The following SERPINB13 variants were observed in gnomAD, a reference collection of about 807,000 sequenced individuals.
SERPINB13 encodes serpin family B member 13, also known as serpin B13.
A neutral mutation model predicts 31.2 loss-of-function variants in SERPINB13; 26 were observed. That is an observed-to-expected ratio of 0.83 (90% confidence interval 0.61 to 1.15). The LOEUF (loss-of-function observed/expected upper bound fraction) is 1.15, where lower values mean the gene tolerates loss of function less well. Among genes scored for constraint, SERPINB13 ranks in the 50% most tolerant of loss-of-function variants. The pLI is 0.00. For synonymous variants in SERPINB13, 191 were observed against 172.4 expected, an observed-to-expected ratio of 1.11 and a Z score of -0.85; for missense variants, 510 against 469.4, an observed-to-expected ratio of 1.09 and a Z score of -0.80.
Position 63,597,220 on chromosome 18 carries a change from G to T in SERPINB13, c.1033G>T (p.Ala345Ser). 1 of 1,614,184 alleles carries T rather than the reference G, an allele frequency of 6.2e-7. No homozygotes were observed. The highest frequency in any genetic ancestry group is 8.5e-7 in the Non-Finnish European group (1 of 1,180,032). Residue 345 changes from alanine to serine, a missense_variant, in exon 8 of 8, where the codon GCT (alanine) becomes TCT (serine). Coordinates refer to ENST00000344731, the MANE Select transcript of SERPINB13 (RefSeq NM_012397.4). ...FVAVTEEGTEAAAATGIGFTV... is the reference protein window; with the variant it reads ...FVAVTEEGTESAAATGIGFTV... ...GGCAGTAACTGAGGAAGGCACCGAG[G>T]CTGCAGCTGCCACCGGCATAGGCTT...
intron 1 of SERPINB13, among the ~76,000 whole-genome samples, chr18:63,587,721 C>G (rs972356077): frequency 6.6e-6 from 1 of 152,190 alleles, no homozygotes; most frequent in Non-Finnish European, 1.5e-5. Flanking sequence ...GGGGATGAGC[C>G]CTTGAGGGCA....
At chr18:63,588,468 A>T (rs1303919905) in intron 1 of SERPINB13, among the ~76,000 whole-genome samples, 183 bp from the exon 2 acceptor site, 1 of 152,234 alleles carries the variant, frequency 6.6e-6, no homozygotes, top group Non-Finnish European at 1.5e-5. Flanking sequence ...AGATTGATGG[A>T]TGTCTCCCAG....
At position 63,597,139 on chromosome 18, in the gene SERPINB13, G is replaced by A. The variant is rs770041362; in HGVS notation, c.952G>A (p.Gly318Arg). ...CAGTGAGCACAAAGCCGACTACTCG[G>A]GAATGTCGTCAGGCTCCGGGTTGTA... is the stretch of plus-strand genomic sequence containing the variant. Reference protein sequence around the residue: ...AFSEHKADYSGMSSGSGLYAQ... With the variant: ...AFSEHKADYSRMSSGSGLYAQ... Residue 318 changes from glycine (G) to arginine (R), a missense_variant, in exon 8 of 8, where the codon GGA (glycine) becomes AGA (arginine). By Grantham distance (125) the Gly-to-Arg change is moderately radical (BLOSUM62 -2). Transcript: ENST00000344731. 17 of 1,614,236 alleles carry A rather than the reference G, an allele frequency of 1.1e-5. No individual in the cohort carries two copies. In the South Asian group the frequency reaches 1.9e-4, roughly 18 times the overall value.
intron 6 of SERPINB13, among the ~76,000 whole-genome samples, chr18:63,594,827 G>A (rs1339477179): frequency 6.6e-6 from 1 of 152,024 alleles, no homozygotes; most frequent in Non-Finnish European, 1.5e-5. Context: ...GACAGAGTGA[G>A]ACTCCATCCC....
chr18:63,594,448 G>T lies in SERPINB13; in HGVS notation c.566G>T (p.Arg189Met), dbSNP rs1419455301. Residue 189 changes from arginine (R) to methionine (M), a missense_variant, in exon 6 of 8, where the codon AGG becomes ATG. Physicochemically the swap from Arg to Met is moderately conservative, Grantham distance 91. Coordinates refer to ENST00000344731, the MANE Select transcript of SERPINB13 (RefSeq NM_012397.4). ...GTTTATTTTAAAGGGCAATGGGACA[G>T]GGAGTTTAAGAAAGAAAATACTAAG... The part of the protein sequence containing the change: ...NMVYFKGQWD[R>M]EFKKENTKEE... 1 of 1,614,160 alleles carries T rather than the reference G, an allele frequency of 6.2e-7. No homozygotes were observed.
intron 5 of SERPINB13, 127 bp downstream of exon 5, chr18:63,593,098 T>C: frequency 1.6e-6 from 1 of 642,758 alleles, no homozygotes; most frequent in Admixed American, 2.7e-5. Context: ...TGCCATGCAG[T>C]GCACAAGCTT....
intron 7 of SERPINB13, 24 bp downstream of exon 7, chr18:63,595,208 C>G: frequency 6.3e-7 from 1 of 1,588,944 alleles, no homozygotes; most frequent in Non-Finnish European, 8.5e-7. Context: ...CCTCCTTATT[C>G]TTTCTTTCAT....
intron 7 of SERPINB13, 109 bp downstream of exon 7, chr18:63,595,293 A>T (rs1912101434): frequency 2.7e-6 from 3 of 1,109,828 alleles, no homozygotes; most frequent in Non-Finnish European, 3.9e-6. Context: ...AGTGTTTCTC[A>T]CTCTCCAGCA....
At chr18:63,590,205 G>C (rs368875324) in intron 3 of SERPINB13, among the ~76,000 whole-genome samples, 1 of 152,262 alleles carries the variant, frequency 6.6e-6, no homozygotes, top group Admixed American at 6.5e-5. Flanking sequence ...TTTTAACCCC[G>C]TGCTGATGTT....
intron 1 of SERPINB13, 95 bp from the exon 2 acceptor site, chr18:63,588,556 G>A (rs1468051463): frequency 5.5e-6 from 7 of 1,280,288 alleles, no homozygotes; most frequent in South Asian, 4.1e-5. Context: ...CCTGTATTCC[G>A]GATCGATGCA....
At chr18:63,590,735 C>T (rs1158569299) in intron 3 of SERPINB13, among the ~76,000 whole-genome samples, 1 of 152,224 alleles carries the variant, frequency 6.6e-6, no homozygotes, top group East Asian at 1.9e-4. Context: ...TGAATTTCAG[C>T]TTTGTGTAAG....
chr18:63,594,938 T>G, intron 6 of SERPINB13, 91 bp from the exon 7 acceptor site: 18 of 1,187,506 alleles, frequency 1.5e-5, no homozygotes, highest in South Asian at 3.1e-5. Flanking sequence ...TATTTTAGAT[T>G]GAGCTAATTA....
chr18:63,592,741 T>G, intron 4 of SERPINB13, 113 bp from the exon 5 acceptor site: 1 of 779,710 alleles, frequency 1.3e-6, no homozygotes, highest in Non-Finnish European at 2.1e-6. Flanking sequence ...GGCCTTAAAA[T>G]TTCTCTTACT....
At chr18:63,589,960 G>T (rs1911755467) in intron 3 of SERPINB13, 3 of 700,474 alleles carry the variant, frequency 4.3e-6, no homozygotes, top group Non-Finnish European at 6.3e-6. Flanking sequence ...CGCTATGATA[G>T]AACTGGTAAA....
chr18:63,593,839 A>G (rs981469643), intron 5 of SERPINB13, among the ~76,000 whole-genome samples: 1 of 152,222 alleles, frequency 6.6e-6, no homozygotes, highest in African/African-American at 2.4e-5. Context: ...AGACAAAAAT[A>G]TCAACTCCTT....
intron 6 of SERPINB13, 23 bp from the exon 7 acceptor site, chr18:63,595,006 T>C (rs1438434740): frequency 1.3e-6 from 2 of 1,594,616 alleles, no homozygotes; most frequent in African/African-American, 2.7e-5. Context: ...TTTGATATTG[T>C]GTGCTCTGTT....
intron 2 of SERPINB13, among the ~76,000 whole-genome samples, 200 bp downstream of exon 2, chr18:63,589,032 T>C (rs1911686591): frequency 6.6e-6 from 1 of 152,108 alleles, no homozygotes; most frequent in Non-Finnish European, 1.5e-5. Flanking sequence ...CGCCACCTGC[T>C]CCCAGATGCT....
chr18:63,591,266 G>A (rs180920504), intron 3 of SERPINB13, among the ~76,000 whole-genome samples: 2 of 152,220 alleles, frequency 1.3e-5, no homozygotes, highest in Admixed American at 6.5e-5. Context: ...TTTTGGCTTA[G>A]CATCATGTTT....
At position 63,597,482 on chromosome 18, in the gene SERPINB13, C is replaced by A; in HGVS notation, c.*119C>A. On this transcript the variant is annotated 3_prime_UTR_variant, in exon 8 of 8. Coordinates refer to ENST00000344731, the MANE Select transcript of SERPINB13 (RefSeq NM_012397.4). Reference sequence around the variant, plus strand: ...GTCTCACTTGCATTTCCAGTCTTGGCCATCAAATCAATGATTTAATGACTC... The same window carrying A: ...GTCTCACTTGCATTTCCAGTCTTGGACATCAAATCAATGATTTAATGACTC... 9.3e-7 allele frequency: 1 copy of A among 1,078,240 alleles called. No homozygotes were observed. Among genetic ancestry groups the A allele is most frequent in the Non-Finnish European group, 1.3e-6 (1 of 752,166 alleles). The allele number at this position is 1,078,240 out of a possible 1,614,324, so 66.8% of individuals were successfully genotyped here. A position where few individuals can be genotyped will look rare whatever the true frequency, so the allele number is the denominator to read the frequency against.
Sources: gnomAD v4.1 joint callset for allele counts (sites outside exome capture counted in the v4.1 genomes callset) on GRCh38, gnomAD v4.1.1 for gene constraint, MANE v1.5 for transcripts, NCBI Gene and HGNC (gene_info 2026-07-23, HGNC 2026-07-21) for gene names.